The following NFRKB variants were observed in gnomAD, a reference collection of about 807,000 sequenced individuals.
The protein encoded by NFRKB is nuclear factor related to kappaB binding protein.
NFRKB carries 62 observed loss-of-function variants against 135.7 expected under a neutral mutation model. That is an observed-to-expected ratio of 0.46 (90% CI 0.37 to 0.56). NFRKB has a LOEUF of 0.56. Among genes scored for constraint, NFRKB ranks in the 20% least tolerant of loss-of-function variants. The pLI is 0.00. For missense variants in NFRKB, 1,545 were observed against 1,662.0 expected (o/e 0.93, Z 1.22); for synonymous variants, 678 against 635.6 (o/e 1.07, Z -1.00).
rs1948787687 is a variant in NFRKB at position 129,876,800 on chromosome 11, C to T, written c.1668G>A (p.Lys556=). ...VVGPVKGVFD[K]ETSLNKAREH... ...CCCGAGCCTTGTTGAGCGAGGTCTC[C>T]TTGTCAAACACGCCCTTCACTGGCC... Residue 556 remains lysine (K), a synonymous_variant, in exon 17 of 27, where the codon AAG becomes AAA. Coordinates refer to ENST00000682444, the MANE Select transcript of NFRKB (RefSeq NM_001143835.2). The T allele has an allele frequency of 1.9e-6, 3 of 1,614,118 alleles. No homozygotes were observed. Among genetic ancestry groups the T allele is most frequent in the African/African-American group, 1.3e-5 (1 of 75,042 alleles).
chr11:129,881,631 G>T (rs771421997), intron 12 of NFRKB, 96 bp downstream of exon 12: 2 of 1,584,324 alleles, frequency 1.3e-6, no homozygotes, highest in Non-Finnish European at 1.7e-6. Context: ...TTATGCAAAG[G>T]CATGATGGAT....
chr11:129,864,267 G>T lies in NFRKB; in HGVS notation c.*458C>A, dbSNP rs1948086817. The T allele has an allele frequency of 6.5e-6, 1 of 154,728 alleles. No individual in the cohort carries two copies. The highest frequency in any genetic ancestry group is 6.4e-5 in the Admixed American group (1 of 15,604). 9.6% of individuals were successfully genotyped at this position (154,728 alleles called of 1,614,324 possible). A position where few individuals can be genotyped will look rare whatever the true frequency, so the allele number is the denominator to read the frequency against. On this transcript the variant is annotated 3_prime_UTR_variant, in exon 27 of 27. Coordinates refer to ENST00000682444, the MANE Select transcript of NFRKB (RefSeq NM_001143835.2). ...TTGTATTTGAGAAAGATGTACAACA[G>T]GTTCTTTAAAAAAATAAATTACATA...
intron 13 of NFRKB, 148 bp downstream of exon 13, chr11:129,881,295 T>A: frequency 2.8e-6 from 2 of 709,636 alleles, no homozygotes; most frequent in Non-Finnish European, 4.8e-6. Flanking sequence ...AAAAAGGGTG[T>A]TGAAGGACTC....
chr11:129,873,067 C>A lies in NFRKB; in HGVS notation c.2580G>T (p.Ala860=), dbSNP rs747781457. The A allele has an allele frequency of 4.3e-6, 7 of 1,611,916 alleles. No homozygotes were observed. The highest frequency in any genetic ancestry group is 1.7e-4 in the Middle Eastern group (1 of 6,032). ...QTVMATVPVK[A]QTTAATVQRP... is the part of the protein sequence containing the mutation. ...GCTGCACAGTGGCTGCCGTAGTCTG[C>A]GCTTTGACGGGCACAGTGGCCATTA... The change falls in exon 23 of 27, where the codon GCG becomes GCT. Residue 860 remains alanine, a synonymous_variant. Coordinates refer to ENST00000682444, the MANE Select transcript of NFRKB (RefSeq NM_001143835.2).
In NFRKB at chr11:129,875,350, G is replaced by T. The variant is rs181761828; in HGVS notation, c.1854+7C>A. 32 of 1,601,702 alleles carry T rather than the reference G, an allele frequency of 2.0e-5. No individual in the cohort carries two copies. In the South Asian group the frequency reaches 3.5e-4, roughly 17 times the overall value. ...ACAAAGCAAAAGTAATCTCTTCTCC[G>T]TCCTACCTGAGTGCTGGTGACATCT... On this transcript the variant is annotated splice_region_variant and intron_variant, in intron 18 of 26. Transcript: ENST00000682444.
At position 129,882,128 on chromosome 11, in the gene NFRKB, T is replaced by C. The variant is rs144707209; in HGVS notation, c.1149A>G (p.Leu383=). ...NEISSSFFSL[L]LEILLLESQA... ...GACTCTCCAGCAGCAAGATCTCTAA[T>C]AGAAGAGAGAAGAAGCTGGAAGATA... The change falls in exon 11 of 27, where the codon CTA becomes CTG. Residue 383 remains leucine, a synonymous_variant. Transcript: ENST00000682444. 2.0e-4 allele frequency: 329 copies of C among 1,613,538 alleles called. 1 individual carries two copies. Among genetic ancestry groups the C allele is most frequent in the Non-Finnish European group, 2.4e-4 (289 of 1,179,842 alleles).
At position 129,870,080 on chromosome 11, in the gene NFRKB, T is replaced by C; in HGVS notation, c.2945A>G (p.Lys982Arg). 6.2e-7 allele frequency: 1 copy of C among 1,614,290 alleles called. No individual in the cohort carries two copies. The part of the protein sequence containing the change: ...ITPDMMATLA[K>R]SQVTTVKLTQ... ...CAATTTGACTGTGGTAACCTGGGAC[T>C]TGGCCAATGTGGCCATCATGTCCGG... Residue 982 changes from lysine (K) to arginine (R), a missense_variant, in exon 24 of 27, where the codon AAG (lysine) becomes AGG (arginine). Physicochemically the swap from Lys to Arg is conservative, Grantham distance 26. Transcript: ENST00000682444.
chr11:129,890,298 T>A (rs1354635565), intron 3 of NFRKB, among the ~76,000 whole-genome samples: 1 of 152,138 alleles, frequency 6.6e-6, no homozygotes, highest in Non-Finnish European at 1.5e-5. Flanking sequence ...TGCAAGCCTA[T>A]TTTTGCCTAC....
intron 17 of NFRKB, 37 bp from the exon 18 acceptor site, chr11:129,875,500 G>T: frequency 6.6e-7 from 1 of 1,522,784 alleles, no homozygotes. Context: ...CACAAGTCAG[G>T]CAGGGTTCCT....
chr11:129,872,327 AC>A (rs1235123057), intron 23 of NFRKB, among the ~76,000 whole-genome samples: 2 of 152,160 alleles, frequency 1.3e-5, no homozygotes, highest in Non-Finnish European at 1.5e-5. Flanking sequence ...CAAAAAAAAA[AC>A]ATTACTTTAT....
chr11:129,893,572 G>T (rs1949657160), intron 2 of NFRKB, among the ~76,000 whole-genome samples: 1 of 150,242 alleles, frequency 6.7e-6, no homozygotes, highest in Non-Finnish European at 1.5e-5. Flanking sequence ...AAAAAAAAAG[G>T]AAAGGAAAAA....
intron 9 of NFRKB, 33 bp from the exon 10 acceptor site, chr11:129,882,664 TG>T (rs771716104): frequency 6.2e-7 from 1 of 1,601,632 alleles, no homozygotes; most frequent in Non-Finnish European, 8.5e-7. Flanking sequence ...GTCACAGAAA[TG>T]TATCTCCTAC....
chr11:129,877,023 T>C (rs1948798151), intron 16 of NFRKB, 128 bp from the exon 17 acceptor site: 4 of 998,488 alleles, frequency 4.0e-6, no homozygotes, highest in South Asian at 1.7e-5. Context: ...TCTATGATTC[T>C]AGTAGGAATG....
chr11:129,875,654 T>C (rs945899078), intron 17 of NFRKB, among the ~76,000 whole-genome samples, 191 bp from the exon 18 acceptor site: 2 of 132,006 alleles, frequency 1.5e-5, no homozygotes, highest in African/African-American at 6.8e-5. Context: ...ATACACTTCT[T>C]TTTTTTTTTT....
In NFRKB at chr11:129,882,192, G is replaced by A. The variant is rs995865675; in HGVS notation, c.1085C>T (p.Pro362Leu). The change falls in exon 11 of 27, where the codon CCC becomes CTC. Residue 362 changes from proline (P) to leucine (L), a missense_variant and splice_region_variant. Pro to Leu is a moderately conservative substitution (Grantham distance 98). This residue lies in a region of NFRKB where 678 missense variants were observed against 646.7 expected (regional missense o/e 1.05). Coordinates refer to ENST00000682444, the MANE Select transcript of NFRKB (RefSeq NM_001143835.2). ...PLAIPAIKEE[P>L]LEDLKPCLGI... ...AAGGCAAGGCTTGAGGTCTTCAAGG[G>A]GCCTAATGAGGGAAGAAAAATATAA... 6.3e-7 allele frequency: 1 copy of A among 1,595,616 alleles called. No individual in the cohort carries two copies. Among genetic ancestry groups the A allele is most frequent in the Non-Finnish European group, 8.5e-7 (1 of 1,174,924 alleles).
intron 24 of NFRKB, among the ~76,000 whole-genome samples, chr11:129,868,590 T>TA (rs757890807): frequency 6.6e-5 from 10 of 152,120 alleles, no homozygotes; most frequent in Non-Finnish European, 1.5e-4. Flanking sequence ...CGTTCACACA[T>TA]AAGCCCAGAC....
chr11:129,872,029 T>C (rs1658993761), intron 23 of NFRKB, among the ~76,000 whole-genome samples: 1 of 152,210 alleles, frequency 6.6e-6, no homozygotes, highest in Non-Finnish European at 1.5e-5. Context: ...GGGCCTCGAA[T>C]GTTTTATCTC....
chr11:129,882,395 A>T (rs924338313), intron 10 of NFRKB, 56 bp downstream of exon 10: 1 of 1,571,198 alleles, frequency 6.4e-7, no homozygotes, highest in Non-Finnish European at 8.6e-7. Context: ...GCCAGGGCAC[A>T]GCCTATGGCT....
At chr11:129,865,754 C>A in intron 25 of NFRKB, 123 bp downstream of exon 25, 2 of 744,906 alleles carry the variant, frequency 2.7e-6, no homozygotes, top group Non-Finnish European at 2.4e-6. Context: ...CACAATAAAG[C>A]AGAGGTGTCA....
Sources: allele counts gnomAD v4.1 joint callset (sites outside exome capture counted in the v4.1 genomes callset), GRCh38; gene constraint gnomAD v4.1.1; regional missense constraint gnomAD v4.1.1; transcripts MANE v1.5; gene names NCBI Gene and HGNC (gene_info 2026-07-23, HGNC 2026-07-21).